TMEM132D: variants seen among roughly 807,000 people sequenced by gnomAD.
TMEM132D encodes transmembrane protein 132D.
In TMEM132D, 21 loss-of-function variants were observed where a neutral mutation model predicts 62.3. The observed-to-expected ratio is 0.34, with a 90% CI of 0.24 to 0.49. TMEM132D has a LOEUF of 0.49. TMEM132D is among the 20% of genes least tolerant of loss of function. TMEM132D has a pLI of 0.99. For synonymous variants in TMEM132D, 621 were observed against 575.6 expected, an observed-to-expected ratio of 1.08 and a Z score of -1.13; for missense variants, 1,346 against 1,402.8, an observed-to-expected ratio of 0.96 and a Z score of 0.65.
chr12:129,085,471 C>T (rs1461126751), intron 5 of TMEM132D: 1 of 152,316 alleles, frequency 6.6e-6, no homozygotes, highest in Admixed American at 6.5e-5. Flanking sequence ...GATGCACCTC[C>T]TGCTGGTTTT....
At chr12:129,289,570 A>G (rs1881396486) in intron 4 of TMEM132D, among the ~76,000 whole-genome samples, 1 of 151,784 alleles carries the variant, frequency 6.6e-6, no homozygotes. Flanking sequence ...AAAAAGAAAA[A>G]AAAGAAAAAG....
intron 1 of TMEM132D, among the ~76,000 whole-genome samples, chr12:129,788,707 G>A (rs956857208): frequency 6.6e-6 from 1 of 152,152 alleles, no homozygotes; most frequent in South Asian, 2.1e-4. Flanking sequence ...ATTCGTGCCA[G>A]ACACTATACC....
chr12:129,546,159 T>G (rs1593060608), intron 2 of TMEM132D, among the ~76,000 whole-genome samples: 1 of 152,290 alleles, frequency 6.6e-6, no homozygotes, highest in Admixed American at 6.5e-5. Flanking sequence ...GGCCTGACTG[T>G]CCCCTGTCCT....
intron 3 of TMEM132D, among the ~76,000 whole-genome samples, chr12:129,369,850 C>T (rs963760813): frequency 2.0e-5 from 3 of 152,222 alleles, no homozygotes; most frequent in African/African-American, 2.4e-5. Context: ...AAGCAATTTT[C>T]GCATGCTTGT....
chr12:129,343,431 TG>T (rs1593344671), intron 3 of TMEM132D, among the ~76,000 whole-genome samples: 1 of 87,806 alleles, frequency 1.1e-5, no homozygotes, highest in Non-Finnish European at 2.3e-5. Context: ...TGTTGTGGGG[TG>T]GGGGGATGGG....
intron 5 of TMEM132D, among the ~76,000 whole-genome samples, chr12:129,152,045 T>G (rs902935909): frequency 6.6e-6 from 1 of 152,184 alleles, no homozygotes; most frequent in Non-Finnish European, 1.5e-5. Flanking sequence ...GCCCAGCTAA[T>G]TTTTGTAATT....
intron 3 of TMEM132D, among the ~76,000 whole-genome samples, chr12:129,502,571 C>T (rs530458497): frequency 4.6e-5 from 7 of 152,046 alleles, no homozygotes; most frequent in Admixed American, 6.6e-5. Flanking sequence ...TAAGGATTCT[C>T]CACCTCTCTT....
chr12:129,099,816 A>AT lies in TMEM132D; in HGVS notation c.1444-15115dup, dbSNP rs545846828. Among the ~76,000 whole-genome samples the AT allele has an allele frequency of 2.9e-3, 356 of 121,692 alleles. 3 individuals are homozygous for AT. The highest frequency in any genetic ancestry group is 2.2e-3 in the Non-Finnish European group (148 of 67,062). The allele number at this position is 121,692 out of a possible 152,430, so 79.8% of individuals were successfully genotyped here. A position where few individuals can be genotyped will look rare whatever the true frequency, so the allele number is the denominator to read the frequency against. The stretch of plus-strand genomic sequence containing the variant: ...AGCGAAACCCACTTTATTTTTTTTT[A>AT]TTTTTTTTATTTTTATTTTTATTTT... On this transcript the variant is annotated intron_variant, in intron 5 of 8. Transcript: ENST00000422113.
At chr12:129,493,865 T>G (rs1874870700) in intron 3 of TMEM132D, among the ~76,000 whole-genome samples, 1 of 152,188 alleles carries the variant, frequency 6.6e-6, no homozygotes. Flanking sequence ...ATCCCAATTC[T>G]CCACCCGGGT....
At chr12:129,115,830 G>A (rs1429990467) in intron 5 of TMEM132D, among the ~76,000 whole-genome samples, 1 of 152,226 alleles carries the variant, frequency 6.6e-6, no homozygotes, top group Non-Finnish European at 1.5e-5. Context: ...TGGCTGCAGA[G>A]GTCAACGCAG....
chr12:129,104,926 C>T (rs1401786137), intron 5 of TMEM132D, among the ~76,000 whole-genome samples: 1 of 147,554 alleles, frequency 6.8e-6, no homozygotes, highest in Admixed American at 6.7e-5. Context: ...GAAATAGGAA[C>T]AGTTTTACAC....
At chr12:129,391,030 A>G (rs781541656) in intron 3 of TMEM132D, among the ~76,000 whole-genome samples, 2 of 152,194 alleles carry the variant, frequency 1.3e-5, no homozygotes, top group East Asian at 1.9e-4. Context: ...TACGTACTCT[A>G]TAACTGTTCA....
chr12:129,643,348 C>T (rs1879690816), intron 2 of TMEM132D, among the ~76,000 whole-genome samples: 1 of 152,164 alleles, frequency 6.6e-6, no homozygotes, highest in Admixed American at 6.5e-5. Flanking sequence ...ACAGCCCACT[C>T]ACCAAACCCA....
At chr12:129,749,551 C>T (rs932058239) in intron 1 of TMEM132D, among the ~76,000 whole-genome samples, 3 of 151,356 alleles carry the variant, frequency 2.0e-5, no homozygotes, top group South Asian at 4.2e-4. Context: ...CCACCTCCCA[C>T]GTTCAAGCAA....
intron 3 of TMEM132D, among the ~76,000 whole-genome samples, chr12:129,399,631 G>C (rs113295497): frequency 0.025 from 3,427 of 138,192 alleles, 122 homozygotes; most frequent in African/African-American, 0.087. Context: ...TAAAGAATGA[G>C]GACGTCTCAA....
At chr12:129,604,618 T>A (rs1324107167) in intron 2 of TMEM132D, among the ~76,000 whole-genome samples, 2 of 152,180 alleles carry the variant, frequency 1.3e-5, no homozygotes, top group African/African-American at 2.4e-5. Flanking sequence ...GGTAATTGTT[T>A]TCAGTTGAAT....
At chr12:129,276,552 C>A (rs1881012614) in intron 4 of TMEM132D, among the ~76,000 whole-genome samples, 1 of 152,124 alleles carries the variant, frequency 6.6e-6, no homozygotes, top group African/African-American at 2.4e-5. Context: ...AGTCTGTTTC[C>A]CAGATAAAGT....
At chr12:129,516,604 C>A (rs1282683535) in intron 3 of TMEM132D, among the ~76,000 whole-genome samples, 7 of 152,142 alleles carry the variant, frequency 4.6e-5, no homozygotes, top group Non-Finnish European at 7.4e-5. Context: ...CCCATGATTC[C>A]ATTATCTCCC....
chr12:129,315,473 C>T (rs1868456690), intron 4 of TMEM132D, among the ~76,000 whole-genome samples: 1 of 152,034 alleles, frequency 6.6e-6, no homozygotes, highest in Admixed American at 6.5e-5. Flanking sequence ...TTAAACCATC[C>T]CTGCATCCTT....
Sources: gnomAD v4.1 joint callset for allele counts (sites outside exome capture counted in the v4.1 genomes callset) on GRCh38, gnomAD v4.1.1 for gene constraint, MANE v1.5 for transcripts, NCBI Gene and HGNC (gene_info 2026-07-23, HGNC 2026-07-21) for gene names.